Variants in WWC1 observed in about 807,000 individuals in gnomAD.
WWC1 encodes the protein protein KIBRA.
In WWC1, 55 loss-of-function variants were observed where a neutral mutation model predicts 138.4. The observed-to-expected ratio is 0.40, with a 90% CI of 0.32 to 0.50. The LOEUF is 0.50. Ranked by LOEUF, WWC1 falls within the 20% of genes least tolerant of loss-of-function variation. WWC1 has a pLI of 0.72. For synonymous variants in WWC1, 524 were observed against 564.9 expected, an observed-to-expected ratio of 0.93 and a Z score of 1.03; for missense variants, 1,226 against 1,420.4, an observed-to-expected ratio of 0.86 and a Z score of 2.20.
intron 1 of WWC1, among the ~76,000 whole-genome samples, chr5:168,365,447 A>G (rs1776212419): frequency 6.6e-6 from 1 of 152,202 alleles, no homozygotes; most frequent in African/African-American, 2.4e-5. Context: ...AAGATAGGGT[A>G]TGCATTCTTC....
At chr5:168,468,632 T>C (rs1757497319) in intron 22 of WWC1, among the ~76,000 whole-genome samples, 1 of 152,234 alleles carries the variant, frequency 6.6e-6, no homozygotes, top group Non-Finnish European at 1.5e-5. Flanking sequence ...CCAAGGGTCC[T>C]TTTAAACTGA....
chr5:168,319,184 C>T (rs976379520), intron 1 of WWC1, among the ~76,000 whole-genome samples: 1 of 152,046 alleles, frequency 6.6e-6, no homozygotes, highest in African/African-American at 2.4e-5. Context: ...CTTTGGGAGG[C>T]CAAGGTGAGT....
At chr5:168,402,180 A>G (rs937064460) in intron 5 of WWC1, among the ~76,000 whole-genome samples, 10 of 152,154 alleles carry the variant, frequency 6.6e-5, no homozygotes, top group Non-Finnish European at 1.2e-4. Context: ...CCCATGTTTG[A>G]TATCAGGACA....
At chr5:168,355,108 G>A (rs145507319) in intron 1 of WWC1, among the ~76,000 whole-genome samples, 5 of 152,320 alleles carry the variant, frequency 3.3e-5, no homozygotes, top group African/African-American at 1.2e-4. Flanking sequence ...GGGAGAGACA[G>A]ACAGTCAACA....
At chr5:168,434,486 G>A (rs1782196055) in intron 15 of WWC1, among the ~76,000 whole-genome samples, 1 of 152,170 alleles carries the variant, frequency 6.6e-6, no homozygotes, top group Non-Finnish European at 1.5e-5. Context: ...GTCTACCAGT[G>A]GGCTAAGAAC....
chr5:168,367,501 T>G (rs940647454), intron 1 of WWC1, among the ~76,000 whole-genome samples: 1 of 145,966 alleles, frequency 6.9e-6, no homozygotes, highest in Non-Finnish European at 1.5e-5. Flanking sequence ...CCGGCTAATT[T>G]TTTGTATTTT....
At chr5:168,312,411 T>C (rs939767255) in intron 1 of WWC1, among the ~76,000 whole-genome samples, 1 of 152,216 alleles carries the variant, frequency 6.6e-6, no homozygotes, top group Admixed American at 6.5e-5. Flanking sequence ...AGCTAGAAAG[T>C]GGCAAAGCCA....
At chr5:168,395,861 C>T (rs899305135) in intron 3 of WWC1, among the ~76,000 whole-genome samples, 2 of 152,172 alleles carry the variant, frequency 1.3e-5, no homozygotes, top group Admixed American at 1.3e-4. Flanking sequence ...TTATGCAGAG[C>T]AGTTTTCTCA....
At chr5:168,459,914 T>A (rs1242002543) in intron 19 of WWC1, among the ~76,000 whole-genome samples, 1 of 151,954 alleles carries the variant, frequency 6.6e-6, no homozygotes, top group Non-Finnish European at 1.5e-5. Flanking sequence ...TCCTACCCAC[T>A]CTCCCTTGCG....
At chr5:168,440,681 C>T (rs1754667555) in intron 15 of WWC1, among the ~76,000 whole-genome samples, 1 of 152,150 alleles carries the variant, frequency 6.6e-6, no homozygotes, top group African/African-American at 2.4e-5. Context: ...CCACGCTCGG[C>T]TAATTTTGTA....
At chr5:168,339,933 TTCTCTCTC>T (rs748373149) in intron 1 of WWC1, among the ~76,000 whole-genome samples, 2,763 of 124,720 alleles carry the variant, frequency 0.022, 38 homozygotes, top group South Asian at 0.064. Context: ...CTTTCTCTCT[TTCTCTCTC>T]TCTCTCCCCC....
rs777792685 is a variant in WWC1, at chr5:168,455,504, G to A, written c.2807G>A (p.Ser936Asn). ...RSKTFSPGPQ[S>N]QYVCRLNRSD... is the part of the protein sequence containing the mutation. ...AAGACCTTCTCCCCAGGACCCCAGA[G>A]CCAGTACGTGTGCCGGGTAAGTGAG... The change falls in exon 19 of 23, where the codon AGC (serine) becomes AAC (asparagine). Residue 936 changes from serine (S) to asparagine (N), a missense_variant. By Grantham distance (46) the Ser-to-Asn change is conservative. This residue lies in a region of WWC1 where 206 missense variants were observed against 247.4 expected (regional missense o/e 0.83). Transcript: ENST00000265293. 7 of 1,612,950 alleles carry A rather than the reference G, an allele frequency of 4.3e-6. No individual in the cohort carries two copies. The East Asian group carries it at 1.1e-4, about 26-fold the overall frequency.
At position 168,455,384 on chromosome 5, in the gene WWC1, C is replaced by T. The variant is rs766000529; in HGVS notation, c.2687C>T (p.Pro896Leu). 57 of 1,595,224 alleles carry T rather than the reference C, an allele frequency of 3.6e-5. No homozygotes were observed. Among genetic ancestry groups the T allele is most frequent in the African/African-American group, 9.5e-5 (7 of 73,770 alleles). Residue 896 changes from proline to leucine, a missense_variant, in exon 19 of 23, where the codon CCG (proline) becomes CTG (leucine). By Grantham distance (98) the Pro-to-Leu change is moderately conservative (BLOSUM62 -3). Coordinates refer to ENST00000265293, the MANE Select transcript of WWC1 (RefSeq NM_015238.3). The stretch of plus-strand genomic sequence containing the variant: ...GACAAAGAGACCAACACGGAGACCC[C>T]GGCCCCATCCCCCACAGTGGTGCGA... ...KVDKETNTET[P>L]APSPTVVRPK...
At chr5:168,357,448 CTGTGTGTGTGTGTGTG>C (rs67198550) in intron 1 of WWC1, among the ~76,000 whole-genome samples, 2,828 of 134,506 alleles carry the variant, frequency 0.021, 50 homozygotes, top group Non-Finnish European at 0.03. Flanking sequence ...AACCTGCCTT[CTGTGTGTGTGTGTGTG>C]TGTGTGTGTG....
At chr5:168,462,409 AC>A in intron 20 of WWC1, among the ~76,000 whole-genome samples, 2 of 152,148 alleles carry the variant, frequency 1.3e-5, no homozygotes, top group Middle Eastern at 6.8e-3. Context: ...TCTCTGGAGC[AC>A]CAAAAGTTAC....
intron 1 of WWC1, among the ~76,000 whole-genome samples, chr5:168,367,713 C>T (rs940346171): frequency 3.3e-5 from 5 of 152,016 alleles, no homozygotes; most frequent in South Asian, 4.2e-4. Context: ...TGTGTGATGC[C>T]GAGCATGTTT....
At chr5:168,295,017 AG>A (rs982963205) in intron 1 of WWC1, among the ~76,000 whole-genome samples, 1 of 151,994 alleles carries the variant, frequency 6.6e-6, no homozygotes, top group South Asian at 2.1e-4. Context: ...TGGGGTCCTG[AG>A]GGGGTCTCAT....
chr5:168,460,869 C>A, intron 20 of WWC1, 127 bp downstream of exon 20: 3 of 955,638 alleles, frequency 3.1e-6, no homozygotes, highest in South Asian at 1.5e-5. Context: ...AAAAATGTTG[C>A]TCTCTCAAGC....
intron 1 of WWC1, among the ~76,000 whole-genome samples, chr5:168,312,614 A>G (rs11134505): frequency 0.34 from 52,046 of 152,184 alleles, 9,192 homozygotes; most frequent in East Asian, 0.48. Flanking sequence ...GGTGACCGCA[A>G]TGGACTTCAT....
Sources: allele counts gnomAD v4.1 joint callset (sites outside exome capture counted in the v4.1 genomes callset), GRCh38; gene constraint gnomAD v4.1.1; regional missense constraint gnomAD v4.1.1; transcripts MANE v1.5; gene names NCBI Gene and HGNC (gene_info 2026-07-23, HGNC 2026-07-21).